Variants in NAT10 observed in about 807,000 individuals in gnomAD.
NAT10 encodes RNA cytidine acetyltransferase.
A neutral mutation model predicts 132.2 loss-of-function variants in NAT10; 109 were observed. The observed-to-expected ratio is 0.82, with a 90% CI of 0.71 to 0.97. NAT10 has a LOEUF of 0.97. Ranked by LOEUF, NAT10 falls within the 50% of genes least tolerant of loss-of-function variation. NAT10 has a pLI of 0.00. For missense variants in NAT10, 1,184 were observed against 1,263.4 expected, an observed-to-expected ratio of 0.94 and a Z score of 0.95; for synonymous variants, 479 against 478.0, an observed-to-expected ratio of 1.00 and a Z score of -0.03.
In NAT10 at chr11:34,112,205, C is replaced by T. The variant is rs569421809; in HGVS notation, c.354C>T (p.Phe118=). ...NETHKILGNT[F]GMCVLQDFEA... is the part of the protein sequence containing the mutation. ...CCCACAAGATCCTGGGCAATACCTT[C>T]GGCATGTGTGTGCTGCAGGTGGGTG... The change falls in exon 4 of 29, where the codon TTC becomes TTT. Residue 118 remains phenylalanine (F), a synonymous_variant. Transcript: ENST00000257829. 3.0e-5 allele frequency: 48 copies of T among 1,614,230 alleles called. No individual in the cohort carries two copies. Among genetic ancestry groups the T allele is most frequent in the Middle Eastern group, 1.6e-4 (1 of 6,062 alleles).
intron 25 of NAT10, 68 bp downstream of exon 25, chr11:34,141,276 C>T (rs1042968184): frequency 8.6e-5 from 138 of 1,601,656 alleles, no homozygotes; most frequent in African/African-American, 5.5e-4. Context: ...TCCCTGCTCC[C>T]GAGATGAACA....
intron 10 of NAT10, 129 bp from the exon 11 acceptor site, chr11:34,124,173 A>G (rs2132952802): frequency 1.5e-6 from 1 of 662,944 alleles, no homozygotes; most frequent in East Asian, 2.8e-5. Flanking sequence ...AAAAAAAAAA[A>G]GGATTTTTAT....
At chr11:34,113,232 G>A (rs980500746) in intron 4 of NAT10, among the ~76,000 whole-genome samples, 6 of 152,166 alleles carry the variant, frequency 3.9e-5, no homozygotes, top group African/African-American at 1.4e-4. Flanking sequence ...AATGTAAGAT[G>A]TTTCTGAAAT....
chr11:34,112,471 C>T (rs551888293), intron 4 of NAT10, among the ~76,000 whole-genome samples: 83 of 152,354 alleles, frequency 5.4e-4, no homozygotes, highest in African/African-American at 5.8e-4. Context: ...GTTATTATAA[C>T]GGGTTCTAAC....
intron 9 of NAT10, 111 bp from the exon 10 acceptor site, chr11:34,123,651 C>T: frequency 1.3e-6 from 1 of 759,384 alleles, no homozygotes; most frequent in Non-Finnish European, 2.1e-6. Context: ...TTGCTGTTAC[C>T]TCTGGTTATC....
chr11:34,108,441 C>A, intron 2 of NAT10, 108 bp downstream of exon 2: 1 of 899,262 alleles, frequency 1.1e-6, no homozygotes, highest in Non-Finnish European at 1.8e-6. Flanking sequence ...ATCTCTTTGG[C>A]TGGTAAGATG....
intron 4 of NAT10, among the ~76,000 whole-genome samples, chr11:34,113,191 G>A (rs1415290703): frequency 6.6e-6 from 1 of 152,140 alleles, no homozygotes; most frequent in Admixed American, 6.5e-5. Flanking sequence ...GTATAGTTTT[G>A]TCAAACAGGT....
chr11:34,131,251 G>GAAT, intron 13 of NAT10, 130 bp from the exon 14 acceptor site: 1 of 1,324,188 alleles, frequency 7.6e-7, no homozygotes. Context: ...AAACCACCCA[G>GAAT]TTTAAATTCT....
chr11:34,141,894 C>A, intron 26 of NAT10, 77 bp downstream of exon 26: 1 of 1,232,764 alleles, frequency 8.1e-7, no homozygotes, highest in East Asian at 2.3e-5. Flanking sequence ...GACTGTCTTC[C>A]CCTTCCCCTT....
chr11:34,136,978 G>T lies in NAT10; in HGVS notation c.2163G>T (p.Lys721Asn), dbSNP rs759259465. Residue 721 changes from lysine (K) to asparagine (N), a missense_variant and splice_region_variant, in exon 21 of 29, where the codon AAG becomes AAT. Transcript: ENST00000257829. ...ACCTACTGTCTTTGTATCTTTGCAGGTTCTGGAAACGAGCTGGATTTGTTC... is the reference window on the plus strand; with the variant it reads ...ACCTACTGTCTTTGTATCTTTGCAGTTTCTGGAAACGAGCTGGATTTGTTC... ...VSYGLTPRLL[K>N]FWKRAGFVPV... 8.1e-5 allele frequency: 131 copies of T among 1,614,202 alleles called. 3 individuals carry two copies. Among genetic ancestry groups the T allele is most frequent in the South Asian group, 6.3e-4 (57 of 91,080 alleles).
At position 34,141,770 on chromosome 11, in the gene NAT10, A is replaced by C. The variant is rs1422226473; in HGVS notation, c.2764A>C (p.Lys922Gln). 1.9e-6 allele frequency: 3 copies of C among 1,613,980 alleles called. No individual in the cohort carries two copies. In the Admixed American group the frequency reaches 5.0e-5, roughly 27 times the overall value. The change falls in exon 26 of 29, where the codon AAG (lysine) becomes CAG (glutamine). Residue 922 changes from lysine (K) to glutamine (Q), a missense_variant. Coordinates refer to ENST00000257829, the MANE Select transcript of NAT10 (RefSeq NM_024662.3). Reference protein sequence around the residue: ...KAIEEQMVAAKDVVMEPTMKT... With the variant: ...KAIEEQMVAAQDVVMEPTMKT... Reference sequence around the variant, plus strand: ...CATTGAGGAGCAGATGGTGGCAGCGAAGGATGTGGTCATGGAGCCCACGAT... The same window carrying C: ...CATTGAGGAGCAGATGGTGGCAGCGCAGGATGTGGTCATGGAGCCCACGAT...
At chr11:34,124,487 T>C in intron 11 of NAT10, 87 bp downstream of exon 11, 5 of 929,242 alleles carry the variant, frequency 5.4e-6, no homozygotes, top group Non-Finnish European at 8.4e-6. Flanking sequence ...TATAGACATG[T>C]ATGTCTTGTG....
At chr11:34,141,609 G>C in intron 25 of NAT10, 110 bp from the exon 26 acceptor site, 1 of 912,930 alleles carries the variant, frequency 1.1e-6, no homozygotes, top group East Asian at 2.5e-5. Context: ...GTGTTGCTTT[G>C]TGTCTTCAAA....
intron 8 of NAT10, 136 bp from the exon 9 acceptor site, chr11:34,122,323 A>T: frequency 9.3e-7 from 1 of 1,071,236 alleles, no homozygotes; most frequent in Non-Finnish European, 1.4e-6. Context: ...GGTGCTGAGC[A>T]GTGCTTTCTG....
At chr11:34,125,200 A>G (rs1851965362) in intron 11 of NAT10, among the ~76,000 whole-genome samples, 1 of 152,168 alleles carries the variant, frequency 6.6e-6, no homozygotes, top group African/African-American at 2.4e-5. Flanking sequence ...TCTTTCTAGA[A>G]TCTCTTCATT....
intron 5 of NAT10, among the ~76,000 whole-genome samples, chr11:34,114,375 T>C (rs1309049681): frequency 6.6e-6 from 1 of 150,596 alleles, no homozygotes; most frequent in Non-Finnish European, 1.5e-5. Flanking sequence ...TCTCCTCACT[T>C]TATCAGCGTT....
intron 3 of NAT10, among the ~76,000 whole-genome samples, chr11:34,111,312 T>TG (rs1851690375): frequency 6.6e-6 from 1 of 152,222 alleles, no homozygotes; most frequent in Non-Finnish European, 1.5e-5. Flanking sequence ...CCCACTGCCT[T>TG]GGTTCATAGA....
chr11:34,134,918 G>T (rs1289089109), intron 18 of NAT10, among the ~76,000 whole-genome samples: 2 of 152,230 alleles, frequency 1.3e-5, no homozygotes, highest in African/African-American at 2.4e-5. Context: ...CCCATCTGGA[G>T]ACCAGAAAGC....
At chr11:34,143,576 CCT>C (rs1366397392) in intron 28 of NAT10, 48 bp downstream of exon 28, 2 of 1,531,996 alleles carry the variant, frequency 1.3e-6, no homozygotes, top group African/African-American at 1.4e-5. Context: ...GGCATTCTGG[CCT>C]CTCTGCTTCT....
Sources: allele counts gnomAD v4.1 joint callset (sites outside exome capture counted in the v4.1 genomes callset), GRCh38; gene constraint gnomAD v4.1.1; transcripts MANE v1.5; gene names NCBI Gene and HGNC (gene_info 2026-07-23, HGNC 2026-07-21).